PPM1B: variants seen among roughly 807,000 people sequenced by gnomAD.
The protein encoded by PPM1B is protein phosphatase, Mg2+/Mn2+ dependent 1B.
In PPM1B, 22 loss-of-function variants were observed where a neutral mutation model predicts 43.0. The observed-to-expected ratio is 0.51, with a 90% confidence interval of 0.37 to 0.73. PPM1B has a LOEUF of 0.73. Ranked by LOEUF, PPM1B falls within the 30% of genes least tolerant of loss-of-function variation. The pLI, the probability that PPM1B is intolerant of heterozygous loss-of-function variation, is 0.00. For synonymous variants in PPM1B, 217 were observed against 197.9 expected (o/e 1.10, Z -0.81); for missense variants, 632 against 584.2 (o/e 1.08, Z -0.84).
At chr2:44,243,655 T>A (rs1670797036) in intron 5 of PPM1B, among the ~76,000 whole-genome samples, 1 of 152,230 alleles carries the variant, frequency 6.6e-6, no homozygotes, top group African/African-American at 2.4e-5. Context: ...CTTTATGACA[T>A]ATTCATGTAT....
intron 1 of PPM1B, among the ~76,000 whole-genome samples, chr2:44,179,734 C>T (rs1310302178): frequency 6.6e-6 from 1 of 152,140 alleles, no homozygotes; most frequent in African/African-American, 2.4e-5. Flanking sequence ...CCTGGCCGGG[C>T]ATGGTGGCTC....
intron 3 of PPM1B, among the ~76,000 whole-genome samples, chr2:44,214,371 A>G (rs531033466): frequency 1.3e-5 from 2 of 151,012 alleles, no homozygotes; most frequent in Admixed American, 1.3e-4. Context: ...GCCCGACCCC[A>G]TAGAGTTTTT....
chr2:44,170,577 G>A (rs940594173), intron 1 of PPM1B, among the ~76,000 whole-genome samples: 1 of 152,238 alleles, frequency 6.6e-6, no homozygotes, highest in Non-Finnish European at 1.5e-5. Flanking sequence ...GTAAGTCACA[G>A]TATGTTCTAG....
At chr2:44,206,609 ATGT>A (rs1161822212) in intron 2 of PPM1B, among the ~76,000 whole-genome samples, 6 of 152,394 alleles carry the variant, frequency 3.9e-5, no homozygotes, top group East Asian at 3.8e-4. Context: ...CACAATGCTC[ATGT>A]TGTTGTTACC....
chr2:44,174,609 T>C (rs1291717798), intron 1 of PPM1B, among the ~76,000 whole-genome samples: 3 of 152,226 alleles, frequency 2.0e-5, no homozygotes, highest in Non-Finnish European at 4.4e-5. Context: ...ATAAAACAAA[T>C]GAATAAGTGT....
At chr2:44,209,037 A>G (rs1166861134) in intron 2 of PPM1B, among the ~76,000 whole-genome samples, 173 bp from the exon 3 acceptor site, 1 of 152,224 alleles carries the variant, frequency 6.6e-6, no homozygotes, top group Non-Finnish European at 1.5e-5. Flanking sequence ...CCATACCTAG[A>G]CACCTTGTTT....
At chr2:44,193,931 C>G (rs1432287229) in intron 1 of PPM1B, among the ~76,000 whole-genome samples, 1 of 152,154 alleles carries the variant, frequency 6.6e-6, no homozygotes, top group Non-Finnish European at 1.5e-5. Flanking sequence ...CCAGGCTGGT[C>G]TCGAGCTACT....
intron 1 of PPM1B, among the ~76,000 whole-genome samples, chr2:44,181,847 T>C (rs1253803509): frequency 1.3e-5 from 2 of 152,206 alleles, no homozygotes; most frequent in Non-Finnish European, 2.9e-5. Flanking sequence ...AGCCATGAGA[T>C]TGCATCAGAG....
chr2:44,234,969 T>C (rs1266775547), downstream of PPM1B, among the ~76,000 whole-genome samples: 1 of 152,202 alleles, frequency 6.6e-6, no homozygotes, highest in African/African-American at 2.4e-5. Flanking sequence ...TCTGTTGAAG[T>C]GTGGTATGGC....
At chr2:44,224,833 A>T (rs1325656560) in intron 5 of PPM1B, among the ~76,000 whole-genome samples, 1 of 152,210 alleles carries the variant, frequency 6.6e-6, no homozygotes, top group African/African-American at 2.4e-5. Context: ...CTATAGTTTT[A>T]TTAATTTTAC....
intron 3 of PPM1B, among the ~76,000 whole-genome samples, chr2:44,212,142 C>T (rs1206063565): frequency 6.6e-6 from 1 of 152,184 alleles, no homozygotes; most frequent in Non-Finnish European, 1.5e-5. Context: ...TCACGGATTC[C>T]TGTTCTATTC....
At chr2:44,190,861 A>G (rs1203982293) in intron 1 of PPM1B, among the ~76,000 whole-genome samples, 2 of 152,232 alleles carry the variant, frequency 1.3e-5, no homozygotes, top group Non-Finnish European at 1.5e-5. Context: ...AATAAATTGT[A>G]CAATTATTGT....
intron 1 of PPM1B, among the ~76,000 whole-genome samples, chr2:44,179,440 C>T (rs931791265): frequency 5.3e-5 from 8 of 152,168 alleles, no homozygotes; most frequent in African/African-American, 1.2e-4. Context: ...CTATACCAAA[C>T]AGCAAAGCTC....
In PPM1B at chr2:44,230,431, G is replaced by A; in HGVS notation, c.1153G>A (p.Glu385Lys). Residue 385 changes from glutamate (E) to lysine (K), a missense_variant, in exon 6 of 6, where the codon GAA becomes AAA. Coordinates refer to ENST00000282412, the MANE Select transcript of PPM1B (RefSeq NM_002706.6). ...ESDGASDEAEESGSQGKLVEA... is the reference protein window; with the variant it reads ...ESDGASDEAEKSGSQGKLVEA... ...AAAAAAGGCCTCCGATGAAGCAGAG[G>A]AAAGTGGATCACAGGGAAAATTGGT... The A allele has an allele frequency of 2.5e-6, 4 of 1,614,114 alleles. No individual in the cohort carries two copies. Among genetic ancestry groups the A allele is most frequent in the Non-Finnish European group, 2.5e-6 (3 of 1,179,974 alleles).
At chr2:44,220,134 C>T (rs1669906634) in intron 5 of PPM1B, among the ~76,000 whole-genome samples, 1 of 152,004 alleles carries the variant, frequency 6.6e-6, no homozygotes, top group Non-Finnish European at 1.5e-5. Flanking sequence ...TTCTTCAGGG[C>T]ATCCACTACC....
At chr2:44,225,227 A>C (rs1419925008) in intron 5 of PPM1B, among the ~76,000 whole-genome samples, 2 of 152,232 alleles carry the variant, frequency 1.3e-5, no homozygotes, top group African/African-American at 4.8e-5. Context: ...AGGACATAGA[A>C]TGGAATATGA....
In PPM1B at chr2:44,173,074, G is replaced by A. The variant is rs116663492; in HGVS notation, c.-15+3800G>A. Among the ~76,000 whole-genome samples, 551 of 152,286 alleles carry A rather than the reference G, an allele frequency of 3.6e-3. 2 individuals carry two copies. The highest frequency in any genetic ancestry group is 0.013 in the African/African-American group (532 of 41,554). On this transcript the variant is annotated intron_variant, in intron 1 of 5. Coordinates refer to ENST00000282412, the MANE Select transcript of PPM1B (RefSeq NM_002706.6). ...TCACGCCCATAATCCCAGCACTTTG[G>A]GAAGCCAAGGCAGGCAGATCACTTG...
downstream of PPM1B, among the ~76,000 whole-genome samples, chr2:44,235,888 C>A (rs1357129155): frequency 2.0e-5 from 3 of 151,766 alleles, no homozygotes; most frequent in Middle Eastern, 3.4e-3. Flanking sequence ...AACAGCGAGA[C>A]TCCATCTCAA....
chr2:44,212,776 C>T (rs1039105989), intron 3 of PPM1B, among the ~76,000 whole-genome samples: 11 of 151,888 alleles, frequency 7.2e-5, no homozygotes, highest in East Asian at 3.9e-4. Flanking sequence ...TTTGGGAGAC[C>T]GAGGCGGGCA....
Sources: gnomAD v4.1 joint callset for allele counts (sites outside exome capture counted in the v4.1 genomes callset) on GRCh38, gnomAD v4.1.1 for gene constraint, MANE v1.5 for transcripts, NCBI Gene and HGNC (gene_info 2026-07-23, HGNC 2026-07-21) for gene names.